PDE4D: variants seen among roughly 807,000 people sequenced by gnomAD.
PDE4D encodes the protein phosphodiesterase 4D.
PDE4D carries 24 observed loss-of-function variants against 87.4 expected under a neutral mutation model. The ratio of observed to expected loss-of-function variants is 0.27; its 90% CI spans 0.20 to 0.39. The LOEUF is 0.39. PDE4D is among the 10% of genes least tolerant of loss of function. The probability of loss-of-function intolerance (pLI) is 1.00; values close to 1 mark genes in which losing one functional copy is unlikely to be tolerated. For missense variants in PDE4D, 714 were observed against 1,041.0 expected (o/e 0.69, Z 4.32); for synonymous variants, 384 against 383.2 (o/e 1.00, Z -0.02).
intron 1 of PDE4D, among the ~76,000 whole-genome samples, chr5:60,458,766 T>G (rs1746689369): frequency 6.6e-6 from 1 of 151,882 alleles, no homozygotes; most frequent in Non-Finnish European, 1.5e-5. Context: ...CCCGGACTCA[T>G]GGATACTTAT....
chr5:59,763,336 A>G (rs974396278), intron 1 of PDE4D, among the ~76,000 whole-genome samples: 10 of 151,934 alleles, frequency 6.6e-5, no homozygotes, highest in African/African-American at 2.4e-4. Flanking sequence ...ATAATAAAAT[A>G]AAAAATAAAA....
At chr5:60,076,838 C>T (rs1005999944) in intron 2 of PDE4D, among the ~76,000 whole-genome samples, 5 of 152,222 alleles carry the variant, frequency 3.3e-5, no homozygotes, top group African/African-American at 1.2e-4. Flanking sequence ...CAGCAGGGTG[C>T]ATGCTTGTTG....
At chr5:59,634,350 A>T (rs1246214998) in intron 1 of PDE4D, among the ~76,000 whole-genome samples, 1 of 152,218 alleles carries the variant, frequency 6.6e-6, no homozygotes, top group African/African-American at 2.4e-5. Context: ...TAACAAGAAT[A>T]TTCAAGACTT....
intron 1 of PDE4D, among the ~76,000 whole-genome samples, chr5:60,440,165 G>C (rs1338313148): frequency 6.6e-6 from 1 of 152,112 alleles, no homozygotes; most frequent in Non-Finnish European, 1.5e-5. Flanking sequence ...CTTAGTGGGG[G>C]ATGAGTGAGA....
intron 2 of PDE4D, among the ~76,000 whole-genome samples, chr5:60,040,122 A>G (rs1175831273): frequency 2.0e-5 from 3 of 152,234 alleles, no homozygotes; most frequent in African/African-American, 7.2e-5. Flanking sequence ...GGACTAATTT[A>G]TCTATGTGTA....
At chr5:59,586,400 A>G (rs1225960696) in intron 1 of PDE4D, 4 of 1,605,358 alleles carry the variant, frequency 2.5e-6, no homozygotes, top group Admixed American at 3.4e-5. Flanking sequence ...TGTCATTAAT[A>G]TTTTTCTTGT....
chr5:59,227,649 C>T (rs1044789248), intron 1 of PDE4D, among the ~76,000 whole-genome samples: 3 of 152,036 alleles, frequency 2.0e-5, no homozygotes, highest in Non-Finnish European at 1.5e-5. Context: ...AAAAAATGCT[C>T]AATATCACTA....
At chr5:59,296,917 G>A (rs1769223653) in intron 1 of PDE4D, among the ~76,000 whole-genome samples, 1 of 152,116 alleles carries the variant, frequency 6.6e-6, no homozygotes, top group African/African-American at 2.4e-5. Flanking sequence ...CTCCTTAACT[G>A]AGTCATCCTG....
chr5:59,400,775 G>C (rs894480334), intron 1 of PDE4D, among the ~76,000 whole-genome samples: 1 of 151,988 alleles, frequency 6.6e-6, no homozygotes. Flanking sequence ...ACATTCCTAT[G>C]AGTTTAGCAT....
At chr5:60,444,382 A>G (rs1335123153) in intron 1 of PDE4D, among the ~76,000 whole-genome samples, 1 of 152,140 alleles carries the variant, frequency 6.6e-6, no homozygotes, top group Non-Finnish European at 1.5e-5. Context: ...CTGAGTGCCT[A>G]TGCTATGCCA....
At chr5:58,978,855 T>C (rs945150955) in intron 11 of PDE4D, among the ~76,000 whole-genome samples, 34 of 152,290 alleles carry the variant, frequency 2.2e-4, no homozygotes, top group African/African-American at 7.7e-4. Flanking sequence ...TATCTACAGA[T>C]AGGTAAGCAT....
At chr5:60,478,851 T>C (rs1020100927) in intron 1 of PDE4D, among the ~76,000 whole-genome samples, 2 of 152,190 alleles carry the variant, frequency 1.3e-5, no homozygotes, top group African/African-American at 4.8e-5. Flanking sequence ...CCATTGTATA[T>C]TCTTTTCCAT....
chr5:60,518,124 C>T (rs1465259469), intron 1 of PDE4D, among the ~76,000 whole-genome samples: 7 of 152,212 alleles, frequency 4.6e-5, no homozygotes, highest in African/African-American at 1.2e-4. Context: ...GCACTTGTGT[C>T]GGCATCTGGA....
At chr5:59,477,538 G>C (rs1803502002) in intron 1 of PDE4D, among the ~76,000 whole-genome samples, 1 of 151,904 alleles carries the variant, frequency 6.6e-6, no homozygotes, top group African/African-American at 2.4e-5. Context: ...TTATTAAAAA[G>C]TTAAAAAACA....
At chr5:60,420,163 G>A (rs1344387524) in intron 1 of PDE4D, among the ~76,000 whole-genome samples, 3 of 152,178 alleles carry the variant, frequency 2.0e-5, no homozygotes, top group Non-Finnish European at 4.4e-5. Flanking sequence ...TGCAGTTCAG[G>A]TCCTATGGGT....
intron 2 of PDE4D, among the ~76,000 whole-genome samples, chr5:60,043,171 T>C (rs533398446): frequency 2.0e-5 from 3 of 151,388 alleles, no homozygotes; most frequent in South Asian, 2.1e-4. Context: ...AATAGCCAAA[T>C]TGATCAAGCA....
chr5:60,114,474 C>G (rs889872554), intron 2 of PDE4D, among the ~76,000 whole-genome samples: 1 of 152,034 alleles, frequency 6.6e-6, no homozygotes, highest in Non-Finnish European at 1.5e-5. Context: ...CCTGCAGAAC[C>G]TCACAAAATA....
chr5:59,697,545 A>G (rs1030029479), intron 1 of PDE4D, among the ~76,000 whole-genome samples: 1 of 152,178 alleles, frequency 6.6e-6, no homozygotes, highest in African/African-American at 2.4e-5. Flanking sequence ...CATCTCATTT[A>G]CTCTTCAAAG....
rs867345099 is a variant in PDE4D at position 59,172,442 on chromosome 5, C to T, written c.808+8153G>A. Among the ~76,000 whole-genome samples, 151 of 145,604 alleles carry T rather than the reference C, an allele frequency of 1.0e-3. 1 individual carries two copies. The highest frequency in any genetic ancestry group is 2.5e-3 in the Admixed American group (35 of 14,054). On this transcript the variant is annotated intron_variant, in intron 5 of 14. Coordinates refer to ENST00000340635, the MANE Select transcript of PDE4D (RefSeq NM_001104631.2). ...AGGCTCTGTGGCTCATGCCTATAAT[C>T]CCAGCACTTTGGGAGGCCAAGGTGG... is the stretch of plus-strand genomic sequence containing the variant.
Sources: allele counts gnomAD v4.1 joint callset (sites outside exome capture counted in the v4.1 genomes callset), GRCh38; gene constraint gnomAD v4.1.1; transcripts MANE v1.5; gene names NCBI Gene and HGNC (gene_info 2026-07-23, HGNC 2026-07-21).